The following PRELID3B variants were observed in gnomAD, a reference collection of about 807,000 sequenced individuals.
PRELID3B encodes PRELI domain containing 3B.
Under a neutral mutation model 24.0 loss-of-function variants are expected in PRELID3B, and 15 were observed. The observed-to-expected ratio is 0.63, with a 90% CI of 0.42 to 0.96. PRELID3B has a LOEUF of 0.96. Ranked by LOEUF, PRELID3B falls within the 40% of genes least tolerant of loss-of-function variation. PRELID3B has a pLI of 0.00. For missense variants in PRELID3B, 189 were observed against 236.0 expected, an observed-to-expected ratio of 0.80 and a Z score of 1.30; for synonymous variants, 62 against 76.0, an observed-to-expected ratio of 0.82 and a Z score of 0.96.
chr20:59,042,018 T>C (rs2146396543), intron 1 of PRELID3B, among the ~76,000 whole-genome samples: 1 of 152,360 alleles, frequency 6.6e-6, no homozygotes, highest in East Asian at 1.9e-4. Context: ...TCCAAAAAGA[T>C]GTTCCTGAAC....
At chr20:59,035,647 C>T (rs2092066478) in intron 5 of PRELID3B, among the ~76,000 whole-genome samples, 2 of 152,190 alleles carry the variant, frequency 1.3e-5, no homozygotes, top group Admixed American at 1.3e-4. Flanking sequence ...CCACCTGCCC[C>T]CATTTGGCAG....
chr20:59,038,028 A>G (rs1254835788), intron 2 of PRELID3B: 1 of 156,736 alleles, frequency 6.4e-6, no homozygotes, highest in Non-Finnish European at 1.4e-5. Context: ...AATTGTTTCT[A>G]AATGTACAGG....
chr20:59,041,321 A>G (rs2092108515), intron 1 of PRELID3B, among the ~76,000 whole-genome samples: 1 of 152,222 alleles, frequency 6.6e-6, no homozygotes, highest in African/African-American at 2.4e-5. Flanking sequence ...TAGGGGGAAA[A>G]GAAAGCTTCC....
intron 5 of PRELID3B, among the ~76,000 whole-genome samples, 159 bp downstream of exon 5, chr20:59,036,312 G>A (rs1272860040): frequency 6.6e-6 from 1 of 152,216 alleles, no homozygotes; most frequent in African/African-American, 2.4e-5. Flanking sequence ...GAGCTTGGAT[G>A]TGAACCCAGA....
intron 5 of PRELID3B, among the ~76,000 whole-genome samples, chr20:59,035,559 T>A (rs148321652): frequency 0.016 from 2,477 of 152,246 alleles, 33 homozygotes; most frequent in Non-Finnish European, 0.025. Context: ...AACAGAGCAT[T>A]CCCTACTTCC....
At chr20:59,036,595 C>G in intron 4 of PRELID3B, 22 bp from the exon 5 acceptor site, 1 of 1,604,020 alleles carries the variant, frequency 6.2e-7, no homozygotes. Flanking sequence ...CATATTCACA[C>G]AGGTTCAGAT....
Position 59,038,649 on chromosome 20 carries a change from CAAAAA to C in PRELID3B, c.33-20_33-16del, listed in dbSNP as rs61329417. The C allele has an allele frequency of 5.3e-4, 689 of 1,301,070 alleles. No homozygotes were observed. The highest frequency in any genetic ancestry group is 2.8e-3 in the South Asian group (135 of 48,566). 80.6% of individuals were successfully genotyped at this position (1,301,070 alleles called of 1,614,324 possible). On this transcript the variant is annotated splice_polypyrimidine_tract_variant and intron_variant, in intron 1 of 5. Transcript: ENST00000355937. The stretch of plus-strand genomic sequence containing the variant: ...CCCACGGGTGGCTGCCGATGTGAAC[CAAAAA>C]AAAAAAAAAAAAAATTCAGACATTT...
At chr20:59,041,747 T>A (rs1054861210) in intron 1 of PRELID3B, among the ~76,000 whole-genome samples, 5 of 151,732 alleles carry the variant, frequency 3.3e-5, no homozygotes, top group South Asian at 2.1e-4. Context: ...AAAAGAAATT[T>A]AAAAAAAATT....
chr20:59,036,689 C>G lies in PRELID3B; in HGVS notation c.362+1G>C. 1 of 1,598,100 alleles carries G rather than the reference C, an allele frequency of 6.3e-7. No individual in the cohort carries two copies. ...CATTTGTTAAAATATTTTTTACTCA[C>G]TTTTCTGGATCCTGAGGATGTGGTT... On this transcript the variant is annotated splice_donor_variant, in intron 4 of 5. Coordinates refer to ENST00000355937, the MANE Select transcript of PRELID3B (RefSeq NM_016045.3). LOFTEE classifies it high-confidence loss of function.
intron 5 of PRELID3B, among the ~76,000 whole-genome samples, chr20:59,035,651 T>G (rs931842444): frequency 6.6e-6 from 1 of 152,268 alleles, no homozygotes; most frequent in East Asian, 1.9e-4. Context: ...CTGCCCCCAT[T>G]TGGCAGTCAG....
rs1301778132 is a variant in PRELID3B, at chr20:59,035,146, A to G, written c.466-20T>C. The G allele has an allele frequency of 3.1e-6, 5 of 1,599,082 alleles. No individual in the cohort carries two copies. The highest frequency in any genetic ancestry group is 4.3e-6 in the Non-Finnish European group (5 of 1,171,888). On this transcript the variant is annotated intron_variant, in intron 5 of 5. Coordinates refer to ENST00000355937, the MANE Select transcript of PRELID3B (RefSeq NM_016045.3). ...TCGGCCCTTAAAAAAAATCCAATAC[A>G]TTTATTGTTACTGAGGGAGAGCAAA...
chr20:59,037,158 T>C, intron 3 of PRELID3B, 33 bp downstream of exon 3: 1 of 1,516,006 alleles, frequency 6.6e-7, no homozygotes, highest in Non-Finnish European at 9.1e-7. Context: ...AGCCAGACAG[T>C]TCGAAATGAA....
intron 5 of PRELID3B, among the ~76,000 whole-genome samples, chr20:59,036,262 A>C (rs192874585): frequency 1.3e-5 from 2 of 152,306 alleles, no homozygotes; most frequent in South Asian, 2.1e-4. Flanking sequence ...AGGCATAGAA[A>C]GGTTAACTTA....
chr20:59,042,686 G>A lies in PRELID3B; in HGVS notation c.32+13C>T, dbSNP rs373686134. The A allele has an allele frequency of 1.9e-6, 3 of 1,586,212 alleles. No individual in the cohort carries two copies. Among genetic ancestry groups the A allele is most frequent in the Non-Finnish European group, 2.6e-6 (3 of 1,168,308 alleles). ...CCTGCCCTCCACGGAGCCGACCCGCGCCCCAAACTTACTCAAAGACGTGCT... is the reference window on the plus strand; with the variant it reads ...CCTGCCCTCCACGGAGCCGACCCGCACCCCAAACTTACTCAAAGACGTGCT... On this transcript the variant is annotated intron_variant, in intron 1 of 5. Coordinates refer to ENST00000355937, the MANE Select transcript of PRELID3B (RefSeq NM_016045.3).
Position 59,036,700 on chromosome 20 carries a change from C to T in PRELID3B, c.352G>A (p.Asp118Asn). ...ERLIYKPHPQ[D>N]PEKTVLTQEA... The stretch of plus-strand genomic sequence containing the variant: ...ATATTTTTTACTCACTTTTCTGGAT[C>T]CTGAGGATGTGGTTTGTATATAAGT... The change falls in exon 4 of 6, where the codon GAT becomes AAT. Residue 118 changes from aspartate to asparagine, a missense_variant. Coordinates refer to ENST00000355937, the MANE Select transcript of PRELID3B (RefSeq NM_016045.3). 1.2e-6 allele frequency: 2 copies of T among 1,602,724 alleles called. No homozygotes were observed. The highest frequency in any genetic ancestry group is 1.7e-6 in the Non-Finnish European group (2 of 1,171,270).
At position 59,038,690 on chromosome 20, in the gene PRELID3B, A is replaced by G. The variant is rs551316705; in HGVS notation, c.33-56T>C. The G allele has an allele frequency of 5.3e-6, 8 of 1,503,846 alleles. No individual in the cohort carries two copies. The African/African-American group carries it at 7.0e-5, about 13-fold the overall frequency. 93.2% of individuals were successfully genotyped at this position (1,503,846 alleles called of 1,614,324 possible). A position where few individuals can be genotyped will look rare whatever the true frequency, so the allele number is the denominator to read the frequency against. On this transcript the variant is annotated intron_variant, in intron 1 of 5. Transcript: ENST00000355937. The stretch of plus-strand genomic sequence containing the variant: ...AAAATTCAGACATTTAAAATTATGC[A>G]TATGAGTTAAACAATTTTTATAATC...
rs1470292149 is a variant in PRELID3B, at chr20:59,037,370, C to A, written c.202-90G>T. ...TTTATTTGAAGGAAAAAATGTGTTA[C>A]AATATTTTGAACCAAAAATCTGTTT... On this transcript the variant is annotated intron_variant, in intron 2 of 5. Transcript: ENST00000355937. 5 of 1,021,408 alleles carry A rather than the reference C, an allele frequency of 4.9e-6. No homozygotes were observed. In the Admixed American group the frequency reaches 7.9e-5, roughly 16 times the overall value. 63.3% of individuals were successfully genotyped at this position (1,021,408 alleles called of 1,614,324 possible).
intron 2 of PRELID3B, 46 bp from the exon 3 acceptor site, chr20:59,037,326 T>G: frequency 1.5e-6 from 2 of 1,343,746 alleles, no homozygotes; most frequent in Non-Finnish European, 2.1e-6. Context: ...GAAGAATTTC[T>G]TACCAAGTCT....
chr20:59,034,755 G>C lies in PRELID3B; in HGVS notation c.*252C>G. The C allele has an allele frequency of 2.8e-6, 1 of 353,514 alleles. No homozygotes were observed. The highest frequency in any genetic ancestry group is 4.3e-5 in the Admixed American group (1 of 23,454). The allele number at this position is 353,514 out of a possible 1,614,324, so 21.9% of individuals were successfully genotyped here. On this transcript the variant is annotated 3_prime_UTR_variant, in exon 6 of 6. Coordinates refer to ENST00000355937, the MANE Select transcript of PRELID3B (RefSeq NM_016045.3). The stretch of plus-strand genomic sequence containing the variant: ...CAATACCAGTTTCCAAGGAGTTCTT[G>C]TTGAATTTTCACAGAAATACTGGAA...
Sources: allele counts gnomAD v4.1 joint callset (sites outside exome capture counted in the v4.1 genomes callset), GRCh38; gene constraint gnomAD v4.1.1; transcripts MANE v1.5; gene names NCBI Gene and HGNC (gene_info 2026-07-23, HGNC 2026-07-21).